Variants in PTPRT observed in about 807,000 individuals in gnomAD.
PTPRT encodes protein tyrosine phosphatase receptor type T.
In PTPRT, 56 loss-of-function variants were observed where a neutral mutation model predicts 176.8. The observed-to-expected ratio is 0.32, with a 90% CI of 0.26 to 0.40. The LOEUF (loss-of-function observed/expected upper bound fraction) is 0.40, where lower values mean the gene tolerates loss of function less well. Among genes scored for constraint, PTPRT ranks in the 10% least tolerant of loss-of-function variants. The probability of loss-of-function intolerance (pLI) is 1.00; values close to 1 mark genes in which losing one functional copy is unlikely to be tolerated. For synonymous variants in PTPRT, 783 were observed against 739.0 expected, an observed-to-expected ratio of 1.06 and a Z score of -0.96; for missense variants, 1,540 against 1,908.2, an observed-to-expected ratio of 0.81 and a Z score of 3.60.
At chr20:42,957,653 A>G (rs1200078704) in intron 1 of PTPRT, among the ~76,000 whole-genome samples, 2 of 152,204 alleles carry the variant, frequency 1.3e-5, no homozygotes, top group Non-Finnish European at 2.9e-5. Flanking sequence ...TCAGTTCTGC[A>G]AGGGAGATGC....
chr20:42,521,547 T>C (rs2072176610), intron 7 of PTPRT, among the ~76,000 whole-genome samples: 1 of 152,192 alleles, frequency 6.6e-6, no homozygotes, highest in South Asian at 2.1e-4. Flanking sequence ...AGCCATTCAA[T>C]ACTGTACTTT....
At chr20:42,710,104 A>T (rs1247090972) in intron 6 of PTPRT, among the ~76,000 whole-genome samples, 4 of 152,210 alleles carry the variant, frequency 2.6e-5, no homozygotes, top group Admixed American at 2.6e-4. Context: ...ACTTATAATT[A>T]AAAGAAAAGC....
chr20:42,229,248 G>C (rs1226571786), intron 15 of PTPRT, among the ~76,000 whole-genome samples: 1 of 152,174 alleles, frequency 6.6e-6, no homozygotes, highest in Non-Finnish European at 1.5e-5. Flanking sequence ...AGATCTGGGG[G>C]GTGAGGCTCA....
At chr20:42,732,147 T>A (rs958387282) in intron 6 of PTPRT, among the ~76,000 whole-genome samples, 1 of 95,780 alleles carries the variant, frequency 1.0e-5, no homozygotes, top group Non-Finnish European at 2.2e-5. Flanking sequence ...TGCGGCTATT[T>A]AAACTTTTCT....
intron 1 of PTPRT, among the ~76,000 whole-genome samples, chr20:42,958,347 GGGGCTGGGAAGGGAGGGGAGGGGA>G (rs1568701245): frequency 0.011 from 97 of 9,224 alleles, no homozygotes; most frequent in East Asian, 0.014. Context: ...GGGGAGAGGA[GGGGCTGGGAAGGGAGGGGAGGGGA>G]AGAAGAAAGC....
At chr20:42,801,969 C>T (rs1157403296) in intron 2 of PTPRT, among the ~76,000 whole-genome samples, 2 of 152,144 alleles carry the variant, frequency 1.3e-5, no homozygotes, top group Non-Finnish European at 2.9e-5. Flanking sequence ...CTGATTTGCC[C>T]AGAGTCTCAC....
chr20:42,977,083 G>A (rs1982998410), intron 1 of PTPRT, among the ~76,000 whole-genome samples: 1 of 152,030 alleles, frequency 6.6e-6, no homozygotes. Context: ...GTGGTTCTGT[G>A]GTTAAAACAA....
chr20:43,177,655 A>C (rs2015152612), intron 1 of PTPRT, among the ~76,000 whole-genome samples: 1 of 152,204 alleles, frequency 6.6e-6, no homozygotes, highest in Non-Finnish European at 1.5e-5. Context: ...GAACAATTGC[A>C]ATACAGAGAG....
intron 4 of PTPRT, among the ~76,000 whole-genome samples, chr20:42,774,303 A>G (rs2077103191): frequency 1.3e-5 from 2 of 152,206 alleles, no homozygotes; most frequent in South Asian, 4.1e-4. Context: ...TGTAAGCACA[A>G]TAACTGGTAT....
intron 1 of PTPRT, among the ~76,000 whole-genome samples, chr20:43,083,317 AATGTATATATATAT>A (rs1215325480): frequency 7.4e-5 from 3 of 40,316 alleles, no homozygotes; most frequent in Non-Finnish European, 1.5e-4. Context: ...ACCCACTTCA[AATGTATATATATAT>A]ATATATATAT....
At chr20:43,023,155 G>T (rs1985770341) in intron 1 of PTPRT, among the ~76,000 whole-genome samples, 1 of 152,202 alleles carries the variant, frequency 6.6e-6, no homozygotes, top group Non-Finnish European at 1.5e-5. Context: ...AGAGATGTGT[G>T]TAACATCGAG....
the PTPRT span, among the ~76,000 whole-genome samples, chr20:42,051,225 GCAGTGTGT>G: frequency 5.3e-5 from 8 of 152,204 alleles, no homozygotes; most frequent in South Asian, 2.1e-4. Flanking sequence ...CCTGAAAACA[GCAGTGTGT>G]CAGTGTGTCA....
intron 6 of PTPRT, among the ~76,000 whole-genome samples, chr20:42,727,455 C>T (rs148050982): frequency 1.3e-5 from 2 of 152,206 alleles, no homozygotes; most frequent in Non-Finnish European, 2.9e-5. Context: ...GGTTTGGATG[C>T]CCTCCTTTAT....
chr20:42,422,035 C>A lies in PTPRT; in HGVS notation c.1560+26185G>T, dbSNP rs2059123157. On this transcript the variant is annotated intron_variant, in intron 9 of 30. Coordinates refer to ENST00000373187, the MANE Select transcript of PTPRT (RefSeq NM_007050.6). ...ACTGAAACTAAACCTTTTCCTTACA[C>A]CATATACAAAAATCAACTCAAGATG... 1.3e-5 allele frequency among the ~76,000 whole-genome samples: 2 copies of A among 152,194 alleles called. 1 individual carries two copies. The highest frequency in any genetic ancestry group is 2.9e-5 in the Non-Finnish European group (2 of 68,042).
chr20:42,054,602 C>A, the PTPRT span, among the ~76,000 whole-genome samples: 1 of 152,092 alleles, frequency 6.6e-6, no homozygotes, highest in Non-Finnish European at 1.5e-5. Flanking sequence ...TATGAGGGGG[C>A]CCCTTGTAGG....
intron 7 of PTPRT, among the ~76,000 whole-genome samples, chr20:42,676,479 T>G (rs550615679): frequency 6.6e-6 from 1 of 152,182 alleles, no homozygotes; most frequent in South Asian, 2.1e-4. Context: ...AAACCCATGC[T>G]GCCTGCTCCC....
At chr20:42,491,672 G>C (rs1171562700) in intron 7 of PTPRT, among the ~76,000 whole-genome samples, 1 of 152,096 alleles carries the variant, frequency 6.6e-6, no homozygotes, top group Non-Finnish European at 1.5e-5. Flanking sequence ...AGCAGAGAGT[G>C]AATCCTCGTC....
At chr20:42,157,967 A>G (rs994777233) in intron 17 of PTPRT, among the ~76,000 whole-genome samples, 2 of 152,234 alleles carry the variant, frequency 1.3e-5, no homozygotes, top group Non-Finnish European at 2.9e-5. Context: ...GAAAGCCTGC[A>G]TCAGTCACTA....
chr20:42,070,161 T>G (rs1010426500), downstream of PTPRT, among the ~76,000 whole-genome samples: 5 of 152,066 alleles, frequency 3.3e-5, no homozygotes, highest in Admixed American at 3.3e-4. Context: ...TCAGAGGGAA[T>G]CAAATCCCTC....
Sources: gnomAD v4.1 joint callset for allele counts (sites outside exome capture counted in the v4.1 genomes callset) on GRCh38, gnomAD v4.1.1 for gene constraint, MANE v1.5 for transcripts, NCBI Gene and HGNC (gene_info 2026-07-23, HGNC 2026-07-21) for gene names.